Variants in PCDHGA6 observed in about 807,000 individuals in gnomAD.
PCDHGA6 encodes protocadherin gamma-A6.
Under a neutral mutation model 60.6 loss-of-function variants are expected in PCDHGA6, and 41 were observed. The ratio of observed to expected loss-of-function variants is 0.68; its 90% CI spans 0.53 to 0.88. PCDHGA6 has a LOEUF of 0.88. PCDHGA6 is among the 40% of genes least tolerant of loss of function. The pLI is 0.00. For synonymous variants in PCDHGA6, 594 were observed against 524.4 expected, an observed-to-expected ratio of 1.13 and a Z score of -1.81; for missense variants, 1,312 against 1,203.0, an observed-to-expected ratio of 1.09 and a Z score of -1.34.
chr5:141,383,031 T>C (rs778307271), intron 1 of PCDHGA6: 2 of 1,613,670 alleles, frequency 1.2e-6, no homozygotes, highest in African/African-American at 2.7e-5. Flanking sequence ...AAGGGTCCTT[T>C]GTGGGAGACA....
At chr5:141,402,971 T>A (rs1589470573) in intron 1 of PCDHGA6, 1 of 1,608,252 alleles carries the variant, frequency 6.2e-7, no homozygotes, top group East Asian at 2.2e-5. Flanking sequence ...TCCAACCAAA[T>A]GCCAGCTCCG....
chr5:141,409,256 C>G (rs1212394349), intron 1 of PCDHGA6: 2 of 1,613,918 alleles, frequency 1.2e-6, no homozygotes, highest in African/African-American at 2.7e-5. Context: ...CATCACTTCT[C>G]TCTCTGATCA....
intron 1 of PCDHGA6, among the ~76,000 whole-genome samples, chr5:141,454,743 G>A (rs1050167077): frequency 6.7e-6 from 1 of 149,684 alleles, no homozygotes; most frequent in African/African-American, 2.5e-5. Context: ...ATGAAAAGAG[G>A]CCAAACTAAT....
rs1193465269 is a variant in PCDHGA6 at position 141,467,055 on chromosome 5, C to CT, written c.2425-27736dup. Among the ~76,000 whole-genome samples, 814 of 134,448 alleles carry CT rather than the reference C, an allele frequency of 6.1e-3. 10 individuals carry two copies. Among genetic ancestry groups the CT allele is most frequent in the African/African-American group, 0.018 (656 of 36,920 alleles). The allele number at this position is 134,448 out of a possible 152,430, so 88.2% of individuals were successfully genotyped here. A position where few individuals can be genotyped will look rare whatever the true frequency, so the allele number is the denominator to read the frequency against. Reference sequence around the variant, plus strand: ...TTTTTGTGTAATGAATCAATGTTTTCTTTTTTTTTTTTTTTTAGACCAAGT... The same window carrying CT: ...TTTTTGTGTAATGAATCAATGTTTTCTTTTTTTTTTTTTTTTTAGACCAAGT... On this transcript the variant is annotated intron_variant, in intron 1 of 3. Coordinates refer to ENST00000517434, the MANE Select transcript of PCDHGA6 (RefSeq NM_018919.3).
In PCDHGA6 at chr5:141,487,829, C is replaced by T. The variant is rs528435429; in HGVS notation, c.2425-6978C>T. On this transcript the variant is annotated intron_variant, in intron 1 of 3. Transcript: ENST00000517434. The surrounding 1 kb of genome is among the most constrained non-coding windows in gnomAD (Gnocchi z 5.0). ...GTTTAGCATTGGGGGCGGGTCATGC[C>T]TATATCTGAGTAAGAAATGAAAGTA... The T allele has an allele frequency of 1.1e-4, 125 of 1,182,994 alleles. No homozygotes were observed. In the Middle Eastern group the frequency reaches 3.7e-3, roughly 35 times the overall value. 73.3% of individuals were successfully genotyped at this position (1,182,994 alleles called of 1,614,324 possible).
Position 141,431,336 on chromosome 5 carries a change from G to C in PCDHGA6, c.2424+54829G>C, listed in dbSNP as rs1187672228. ...TGGAGCCGACGGTAGTAAGTACCCC[G>C]AATTGGTGCTGAAACGCGCCCTGGA... On this transcript the variant is annotated intron_variant, in intron 1 of 3. Transcript: ENST00000517434. The surrounding 1 kb of genome is among the most constrained non-coding windows in gnomAD (Gnocchi z 4.8). 2.5e-6 allele frequency: 4 copies of C among 1,613,956 alleles called. No individual in the cohort carries two copies. The East Asian group carries it at 6.7e-5, about 27-fold the overall frequency.
intron 2 of PCDHGA6, among the ~76,000 whole-genome samples, chr5:141,500,001 A>G (rs961582279): frequency 6.6e-5 from 10 of 151,914 alleles, no homozygotes; most frequent in African/African-American, 2.4e-4. Context: ...TGATTCTTTC[A>G]TAAGGTCCAC....
intron 2 of PCDHGA6, among the ~76,000 whole-genome samples, chr5:141,504,354 G>C (rs1349256606): frequency 6.6e-6 from 1 of 152,100 alleles, no homozygotes; most frequent in Non-Finnish European, 1.5e-5. Flanking sequence ...TGTGCTAGGT[G>C]CTTCAGTAGG....
intron 1 of PCDHGA6, chr5:141,413,978 T>C (rs2095697435): frequency 1.2e-6 from 2 of 1,613,414 alleles, no homozygotes; most frequent in Non-Finnish European, 8.5e-7. Flanking sequence ...CTGCTGACAG[T>C]CACAGCCACC....
At chr5:141,386,135 G>A (rs2090475678) in intron 1 of PCDHGA6, 1 of 152,130 alleles carries the variant, frequency 6.6e-6, no homozygotes, top group African/African-American at 2.4e-5. Context: ...GGGGATACTG[G>A]CTTTGTTTCA....
At chr5:141,429,039 A>G (rs565483195) in intron 1 of PCDHGA6, 1 of 152,202 alleles carries the variant, frequency 6.6e-6, no homozygotes, top group East Asian at 1.9e-4. Flanking sequence ...CATTTTTAGT[A>G]CAGACGGGGT....
chr5:141,392,878 C>G, intron 1 of PCDHGA6: 2 of 1,613,474 alleles, frequency 1.2e-6, no homozygotes, highest in Non-Finnish European at 1.7e-6. Context: ...CTGCTGGGAA[C>G]GCTGTGGGAA....
intron 1 of PCDHGA6, among the ~76,000 whole-genome samples, chr5:141,460,093 A>T (rs2098981983): frequency 6.6e-6 from 1 of 151,964 alleles, no homozygotes. Flanking sequence ...TAATAATTAT[A>T]CATGTAATTA....
intron 1 of PCDHGA6, among the ~76,000 whole-genome samples, chr5:141,480,451 T>G (rs2099519323): frequency 6.6e-6 from 1 of 152,136 alleles, no homozygotes; most frequent in African/African-American, 2.4e-5. Flanking sequence ...ATAATTATTT[T>G]TATTAGTTCC....
Position 141,490,688 on chromosome 5 carries a change from C to G in PCDHGA6, c.2425-4119C>G. 1 of 1,614,218 alleles carries G rather than the reference C, an allele frequency of 6.2e-7. No individual in the cohort carries two copies. Among genetic ancestry groups the G allele is most frequent in the Non-Finnish European group, 8.5e-7 (1 of 1,180,032 alleles). On this transcript the variant is annotated intron_variant, in intron 1 of 3. Coordinates refer to ENST00000517434, the MANE Select transcript of PCDHGA6 (RefSeq NM_018919.3). The surrounding 1 kb of genome is among the most constrained non-coding windows in gnomAD (Gnocchi z 5.4). ...ACTGTGGCTGCCTCAGATCCAGACA[C>G]TGGGGATAATGCCCGCCTCACCTAC...
At chr5:141,494,215 G>T (rs984086536) in intron 1 of PCDHGA6, among the ~76,000 whole-genome samples, 2 of 152,200 alleles carry the variant, frequency 1.3e-5, no homozygotes, top group Non-Finnish European at 2.9e-5. Context: ...GCCCAATCTG[G>T]CATGACTCCT....
intron 1 of PCDHGA6, chr5:141,403,389 C>A (rs764725441): frequency 1.9e-6 from 3 of 1,614,050 alleles, no homozygotes; most frequent in Non-Finnish European, 2.5e-6. Flanking sequence ...AACGAAATCG[C>A]GGTTCCTGGA....
At chr5:141,467,565 C>A (rs2154569547) in intron 1 of PCDHGA6, among the ~76,000 whole-genome samples, 1 of 152,302 alleles carries the variant, frequency 6.6e-6, no homozygotes, top group East Asian at 1.9e-4. Context: ...TCCCAAATGG[C>A]TATCCAGTTG....
At chr5:141,427,984 C>G (rs754620535) in intron 1 of PCDHGA6, 2 of 1,597,494 alleles carry the variant, frequency 1.3e-6, no homozygotes, top group South Asian at 2.2e-5. Flanking sequence ...GCGCTGGGGC[C>G]CGATGGCTCC....
Sources: allele counts gnomAD v4.1 joint callset (sites outside exome capture counted in the v4.1 genomes callset), GRCh38; gene constraint gnomAD v4.1.1; non-coding constraint Gnocchi (gnomAD v3.1); transcripts MANE v1.5; gene names NCBI Gene and HGNC (gene_info 2026-07-23, HGNC 2026-07-21).